Variants in FNBP1L observed in about 807,000 individuals in gnomAD.
FNBP1L encodes the protein formin-binding protein 1-like.
Under a neutral mutation model 91.2 loss-of-function variants are expected in FNBP1L, and 36 were observed. The observed-to-expected ratio is 0.39, with a 90% CI of 0.30 to 0.52. The LOEUF (loss-of-function observed/expected upper bound fraction) is 0.52. FNBP1L is among the 20% of genes least tolerant of loss of function. The pLI is 0.66. For synonymous variants in FNBP1L, 242 were observed against 237.0 expected (o/e 1.02, Z -0.19); for missense variants, 571 against 732.1 (o/e 0.78, Z 2.54).
Position 93,523,496 on chromosome 1 carries a change from T to G in FNBP1L, c.342+5T>G. ...CTGAAAACTGAAAGAAAAATGGTAA[T>G]TCTTACAATTTTCATCCAATTGCAA... is the stretch of plus-strand genomic sequence containing the variant. On this transcript the variant is annotated splice_donor_5th_base_variant and intron_variant, in intron 4 of 16. Transcript: ENST00000271234. 1 of 1,596,010 alleles carries G rather than the reference T, an allele frequency of 6.3e-7. No homozygotes were observed. Among genetic ancestry groups the G allele is most frequent in the Non-Finnish European group, 8.5e-7 (1 of 1,170,884 alleles).
chr1:93,507,097 ACACACACACACTCTCTCTCT>A (rs1188009696), intron 2 of FNBP1L, among the ~76,000 whole-genome samples: 143 of 84,124 alleles, frequency 1.7e-3, no homozygotes, highest in Middle Eastern at 0.011. Context: ...ACACACACAC[ACACACACACACTCTCTCTCT>A]CTCTCTCTCT....
chr1:93,507,056 AACACACACACACACACACAC>A (rs369423210), intron 2 of FNBP1L, among the ~76,000 whole-genome samples: 12 of 35,020 alleles, frequency 3.4e-4, no homozygotes, highest in Non-Finnish European at 3.9e-4. Context: ...AAAAACATGG[AACACACACACACACACACAC>A]ACACACACAC....
chr1:93,455,879 G>A (rs1161365596), intron 1 of FNBP1L, among the ~76,000 whole-genome samples: 4 of 152,142 alleles, frequency 2.6e-5, no homozygotes, highest in Admixed American at 2.6e-4. Context: ...CCCAAAATAA[G>A]TTGTATTAAC....
chr1:93,524,491 A>T (rs1302066141), intron 5 of FNBP1L, among the ~76,000 whole-genome samples, 168 bp downstream of exon 5: 1 of 151,266 alleles, frequency 6.6e-6, no homozygotes, highest in African/African-American at 2.4e-5. Context: ...GGAGGATGTG[A>T]GGTCATTTTG....
At chr1:93,451,881 A>AACTC (rs1238664545) in intron 1 of FNBP1L, among the ~76,000 whole-genome samples, 27 of 152,124 alleles carry the variant, frequency 1.8e-4, no homozygotes, top group Non-Finnish European at 5.9e-5. Context: ...TGAACTCCTG[A>AACTC]CATTGTGATC....
rs1405046565 is a variant in FNBP1L, at chr1:93,549,377, T to A, written c.1602T>A (p.Asp534Glu). 1.2e-6 allele frequency: 2 copies of A among 1,612,532 alleles called. No individual in the cohort carries two copies. Among genetic ancestry groups the A allele is most frequent in the East Asian group, 2.2e-5 (1 of 44,840 alleles). ...AGTTTGATGATGAATTTGAGGATGA[T>A]GATCCCTTGCCTGCTATTGGACACT... ...HNEFDDEFED[D>E]DPLPAIGHCK... Residue 534 changes from aspartate (D) to glutamate (E), a missense_variant, in exon 15 of 17, where the codon GAT becomes GAA. Physicochemically the swap from Asp to Glu is conservative, Grantham distance 45. Around this residue, in one of 5 missense-constraint regions of FNBP1L, gnomAD observed 189 missense variants for 219.7 expected, o/e 0.86. Coordinates refer to ENST00000271234, the MANE Select transcript of FNBP1L (RefSeq NM_001164473.3).
At chr1:93,531,906 CAAATAGGATATGTCA>C (rs913779002) in intron 7 of FNBP1L, among the ~76,000 whole-genome samples, 2 of 151,682 alleles carry the variant, frequency 1.3e-5, no homozygotes, top group Non-Finnish European at 2.9e-5. Flanking sequence ...TCAGTGCTGG[CAAATAGGATATGTCA>C]AAAAAAAAAT....
chr1:93,448,273 A>G lies in FNBP1L; in HGVS notation c.-9A>G. On this transcript the variant is annotated 5_prime_UTR_variant, in exon 1 of 17. Coordinates refer to ENST00000271234, the MANE Select transcript of FNBP1L (RefSeq NM_001164473.3). ...CAGCGGCACCGCCAGACGGCCAGAAAGTTCCGCCATGAGCTGGGGCACGGA... is the reference window on the plus strand; with the variant it reads ...CAGCGGCACCGCCAGACGGCCAGAAGGTTCCGCCATGAGCTGGGGCACGGA... 6.6e-7 allele frequency: 1 copy of G among 1,520,458 alleles called. No individual in the cohort carries two copies. The highest frequency in any genetic ancestry group is 8.8e-7 in the Non-Finnish European group (1 of 1,133,778). 94.2% of individuals were successfully genotyped at this position (1,520,458 alleles called of 1,614,324 possible).
intron 1 of FNBP1L, among the ~76,000 whole-genome samples, chr1:93,495,215 G>T (rs554426041): frequency 6.6e-6 from 1 of 152,164 alleles, no homozygotes; most frequent in Non-Finnish European, 1.5e-5. Context: ...AAAGTTTGTT[G>T]TACAGTTTCA....
chr1:93,507,100 CACACACACTCTCT>C, intron 2 of FNBP1L, among the ~76,000 whole-genome samples: 2 of 78,466 alleles, frequency 2.5e-5, no homozygotes, highest in Admixed American at 1.3e-4. Context: ...CACACACACA[CACACACACTCTCT>C]CTCTCTCTCT....
At chr1:93,501,155 C>T (rs1670430277) in intron 2 of FNBP1L, among the ~76,000 whole-genome samples, 1 of 152,092 alleles carries the variant, frequency 6.6e-6, no homozygotes, top group African/African-American at 2.4e-5. Flanking sequence ...GGAAAATTCT[C>T]AGTTTTTCCA....
intron 1 of FNBP1L, among the ~76,000 whole-genome samples, chr1:93,448,669 C>T (rs941654564): frequency 2.0e-5 from 3 of 152,156 alleles, no homozygotes; most frequent in African/African-American, 4.8e-5. Context: ...TCCTCTCTTC[C>T]TTTGTATCTC....
At chr1:93,478,429 A>T (rs1669573758) in intron 1 of FNBP1L, among the ~76,000 whole-genome samples, 1 of 152,136 alleles carries the variant, frequency 6.6e-6, no homozygotes, top group Non-Finnish European at 1.5e-5. Flanking sequence ...GCTATAACCC[A>T]TTGCAGTGTG....
intron 2 of FNBP1L, among the ~76,000 whole-genome samples, chr1:93,513,257 T>C (rs1670931822): frequency 6.6e-6 from 1 of 151,550 alleles, no homozygotes; most frequent in African/African-American, 2.4e-5. Flanking sequence ...TAACAGGATC[T>C]GAAATTGTGG....
intron 1 of FNBP1L, among the ~76,000 whole-genome samples, chr1:93,472,347 C>T (rs1310276058): frequency 6.6e-6 from 1 of 152,024 alleles, no homozygotes. Flanking sequence ...TTTTTGGGTT[C>T]AGAGAGATTA....
At chr1:93,536,139 T>C (rs1671840745) in intron 9 of FNBP1L, among the ~76,000 whole-genome samples, 193 bp from the exon 10 acceptor site, 1 of 152,144 alleles carries the variant, frequency 6.6e-6, no homozygotes, top group Non-Finnish European at 1.5e-5. Context: ...AAATGGTACA[T>C]TTTAAAAAGT....
In FNBP1L at chr1:93,458,405, C is replaced by T. The variant is rs151228527; in HGVS notation, c.24+10100C>T. On this transcript the variant is annotated intron_variant, in intron 1 of 16. Coordinates refer to ENST00000271234, the MANE Select transcript of FNBP1L (RefSeq NM_001164473.3). ...CCAGCCTCTCAAAGTGTTGGGATTA[C>T]AGGCATGAGCTACCGTGCCCAGCCC... is the stretch of plus-strand genomic sequence containing the variant. Among the ~76,000 whole-genome samples, 3 of 152,284 alleles carry T rather than the reference C, an allele frequency of 2.0e-5. No individual in the cohort carries two copies. In the East Asian group the frequency reaches 5.8e-4, roughly 29 times the overall value.
At chr1:93,526,992 A>G (rs1671514767) in intron 5 of FNBP1L, among the ~76,000 whole-genome samples, 1 of 152,202 alleles carries the variant, frequency 6.6e-6, no homozygotes, top group African/African-American at 2.4e-5. Context: ...TTCATAGCAA[A>G]GTGATTTTAT....
intron 2 of FNBP1L, among the ~76,000 whole-genome samples, chr1:93,518,219 C>T (rs115644627): frequency 0.068 from 10,328 of 152,118 alleles, 476 homozygotes; most frequent in Non-Finnish European, 0.1. Context: ...TTCAGCTTCA[C>T]GTAATAGAGT....
Sources: allele counts gnomAD v4.1 joint callset (sites outside exome capture counted in the v4.1 genomes callset), GRCh38; gene constraint gnomAD v4.1.1; regional missense constraint gnomAD v4.1.1; transcripts MANE v1.5; gene names NCBI Gene and HGNC (gene_info 2026-07-23, HGNC 2026-07-21).